KLF8: variants seen among roughly 807,000 people sequenced by gnomAD.
KLF8 encodes Krueppel-like factor 8.
A neutral mutation model predicts 18.2 loss-of-function variants in KLF8; 10 were observed. That is an observed-to-expected ratio of 0.55 (90% CI 0.34 to 0.93). The LOEUF (loss-of-function observed/expected upper bound fraction) is 0.93, where lower values mean the gene tolerates loss of function less well. Among genes scored for constraint, KLF8 ranks in the 40% least tolerant of loss-of-function variants. KLF8 has a pLI of 0.02. For synonymous variants in KLF8, 109 were observed against 97.3 expected (o/e 1.12, Z -0.71); for missense variants, 264 against 277.9 (o/e 0.95, Z 0.36).
At chrX:56,187,460 A>G in the KLF8 span, among the ~76,000 whole-genome samples, 1 of 112,032 alleles carries the variant, frequency 8.9e-6, no homozygotes, top group Non-Finnish European at 1.9e-5. Flanking sequence ...AGGAACTGGT[A>G]CTATTCCTTC....
chrX:56,006,755 C>A, the KLF8 span, among the ~76,000 whole-genome samples: 1 of 112,371 alleles, frequency 8.9e-6, no homozygotes, highest in South Asian at 3.7e-4. Flanking sequence ...TTGTTGGATT[C>A]ATAGTTTGCA....
chrX:55,998,647 G>A, the KLF8 span, among the ~76,000 whole-genome samples: 1 of 111,586 alleles, frequency 9.0e-6, no homozygotes, highest in African/African-American at 3.3e-5. Flanking sequence ...GTTTTTCTTA[G>A]TACATAACAA....
the KLF8 span, among the ~76,000 whole-genome samples, chrX:56,046,808 A>AT: frequency 1.8e-5 from 2 of 110,937 alleles, no homozygotes; most frequent in African/African-American, 6.6e-5. Flanking sequence ...AGCTGTAAAG[A>AT]TTTTTTCCTT....
the KLF8 span, among the ~76,000 whole-genome samples, chrX:56,176,539 T>A: frequency 8.9e-6 from 1 of 111,783 alleles, no homozygotes; most frequent in Non-Finnish European, 1.9e-5. Flanking sequence ...CTTAACATTT[T>A]TTCCTTCATT....
intron 2 of KLF8, among the ~76,000 whole-genome samples, chrX:56,263,366 G>A (rs1047634155): frequency 8.9e-6 from 1 of 111,919 alleles, no homozygotes; most frequent in African/African-American, 3.3e-5. Context: ...GGCAAATCAA[G>A]AAACCAAGAG....
the KLF8 span, among the ~76,000 whole-genome samples, chrX:55,922,247 A>C: frequency 8.8e-6 from 1 of 113,102 alleles, no homozygotes; most frequent in Non-Finnish European, 1.9e-5. Context: ...TGGATAAAGA[A>C]ATATGCTACA....
chrX:56,092,162 T>C, the KLF8 span, among the ~76,000 whole-genome samples: 1 of 111,185 alleles, frequency 9.0e-6, no homozygotes, highest in Non-Finnish European at 1.9e-5. Flanking sequence ...CATTTTTAAA[T>C]AGGGTTATTT....
At chrX:56,182,092 GTACACCAGTCAGACATAGAT>G in the KLF8 span, among the ~76,000 whole-genome samples, 1 of 111,622 alleles carries the variant, frequency 9.0e-6, no homozygotes, top group African/African-American at 3.3e-5. Context: ...TCACTTTCAG[GTACACCAGTCAGACATAGAT>G]TTGGTCTTTT....
At chrX:56,050,108 G>T in the KLF8 span, among the ~76,000 whole-genome samples, 7 of 110,022 alleles carry the variant, frequency 6.4e-5, no homozygotes, top group Admixed American at 3.8e-4. Context: ...GGGATCGGTG[G>T]TGATATCCCC....
the KLF8 span, among the ~76,000 whole-genome samples, chrX:56,158,268 T>G: frequency 8.9e-6 from 1 of 112,080 alleles, no homozygotes; most frequent in Non-Finnish European, 1.9e-5. Context: ...TTGGTACCAG[T>G]ACCATGCTGT....
the KLF8 span, among the ~76,000 whole-genome samples, chrX:56,077,358 A>G: frequency 8.9e-6 from 1 of 111,995 alleles, no homozygotes; most frequent in African/African-American, 3.2e-5. Flanking sequence ...CTTTCTACAT[A>G]TGGCTAGCCG....
the KLF8 span, among the ~76,000 whole-genome samples, chrX:56,044,802 G>A: frequency 8.9e-6 from 1 of 112,624 alleles, no homozygotes; most frequent in African/African-American, 3.2e-5. Flanking sequence ...CTTGTGAGGT[G>A]CTGTGGAAGA....
chrX:56,117,479 A>G, the KLF8 span, among the ~76,000 whole-genome samples: 1 of 110,730 alleles, frequency 9.0e-6, no homozygotes, highest in African/African-American at 3.3e-5. Flanking sequence ...TGGCTGCTCT[A>G]TTGTGCTCTA....
At chrX:56,177,753 G>T in the KLF8 span, among the ~76,000 whole-genome samples, 46 of 111,658 alleles carry the variant, frequency 4.1e-4, no homozygotes, top group African/African-American at 1.5e-3. Context: ...GCTCCACCCT[G>T]TTCTTTCTTC....
the KLF8 span, among the ~76,000 whole-genome samples, chrX:56,010,837 A>AAAC: frequency 1.8e-4 from 20 of 112,109 alleles, no homozygotes; most frequent in Middle Eastern, 4.6e-3. Context: ...AACAGACTTT[A>AAAC]AACAACAACA....
chrX:55,947,673 G>A, the KLF8 span, among the ~76,000 whole-genome samples: 9,505 of 110,608 alleles, frequency 0.086, 998 homozygotes, highest in African/African-American at 0.3. Flanking sequence ...TGAGTGTTGG[G>A]GATCAGAGCA....
chrX:55,976,588 A>ACC, the KLF8 span, among the ~76,000 whole-genome samples: 16 of 3,481 alleles, frequency 4.6e-3, no homozygotes, highest in African/African-American at 9.6e-3. Flanking sequence ...ACACACACAC[A>ACC]CCCCATGTTT....
Position 56,258,781 on chromosome X carries a change from C to T in KLF8, c.82-6399C>T, listed in dbSNP as rs1273010403. ...CAGGATATCTTATTTTTAGAAAAGC[C>T]TGAGTGCTTGTGATACATGGCCACA... is the stretch of plus-strand genomic sequence containing the variant. On this transcript the variant is annotated intron_variant, in intron 2 of 5. Transcript: ENST00000468660. 2.7e-5 allele frequency among the ~76,000 whole-genome samples: 3 copies of T among 111,482 alleles called. No homozygotes were observed. In the Admixed American group the frequency reaches 2.9e-4, roughly 11 times the overall value.
At chrX:56,085,818 T>A in the KLF8 span, among the ~76,000 whole-genome samples, 10 of 112,033 alleles carry the variant, frequency 8.9e-5, no homozygotes, top group South Asian at 3.7e-4. Context: ...TCAAGAAATA[T>A]CTGAGCTCAG....
Sources: gnomAD v4.1 joint callset for allele counts (sites outside exome capture counted in the v4.1 genomes callset) on GRCh38, gnomAD v4.1.1 for gene constraint, MANE v1.5 for transcripts, NCBI Gene and HGNC (gene_info 2026-07-23, HGNC 2026-07-21) for gene names.